EPB41L3: variants seen among roughly 807,000 people sequenced by gnomAD.
EPB41L3 encodes erythrocyte membrane protein band 4.1 like 3, also known as band 4.1-like protein 3.
EPB41L3 carries 57 observed loss-of-function variants against 127.1 expected under a neutral mutation model. The ratio of observed to expected loss-of-function variants is 0.45; its 90% CI spans 0.36 to 0.56. The LOEUF (loss-of-function observed/expected upper bound fraction) is 0.56. Among genes scored for constraint, EPB41L3 ranks in the 20% least tolerant of loss-of-function variants. The pLI, the probability that EPB41L3 is intolerant of heterozygous loss-of-function variation, is 0.00. For synonymous variants in EPB41L3, 572 were observed against 549.5 expected, an observed-to-expected ratio of 1.04 and a Z score of -0.57; for missense variants, 1,273 against 1,372.2, an observed-to-expected ratio of 0.93 and a Z score of 1.14.
chr18:5,587,559 C>T (rs2094451706), intron 3 of EPB41L3, among the ~76,000 whole-genome samples: 1 of 152,070 alleles, frequency 6.6e-6, no homozygotes. Context: ...ATGCATCCCC[C>T]AAGGATAATG....
intron 3 of EPB41L3, chr18:5,466,413 G>A (rs867961423): frequency 3.3e-5 from 5 of 152,184 alleles, no homozygotes; most frequent in Admixed American, 6.5e-5. Context: ...GCCAGTGTGC[G>A]TGTCAGTAGT....
At chr18:5,394,573 G>T in intron 22 of EPB41L3, 104 bp downstream of exon 22, 2 of 812,732 alleles carry the variant, frequency 2.5e-6, no homozygotes, top group Non-Finnish European at 2.0e-6. Context: ...ACAAATGCCA[G>T]TGAGAGAACA....
chr18:5,421,355 T>C (rs754652250), intron 11 of EPB41L3, among the ~76,000 whole-genome samples: 4 of 151,906 alleles, frequency 2.6e-5, no homozygotes, highest in South Asian at 2.1e-4. Context: ...TGATAACATA[T>C]AGAAATAGGT....
intron 19 of EPB41L3, 99 bp from the exon 20 acceptor site, chr18:5,395,806 C>CA: frequency 3.6e-6 from 3 of 840,006 alleles, no homozygotes; most frequent in Non-Finnish European, 5.9e-6. Context: ...TTCACTATCT[C>CA]CTATTATGCA....
rs1555802030 is a variant in EPB41L3 at position 5,560,341 on chromosome 18, T to TA, written c.-306+51998dup. Among the ~76,000 whole-genome samples the TA allele has an allele frequency of 3.6e-4, 55 of 152,336 alleles. No homozygotes were observed. The South Asian group carries it at 0.011, about 31-fold the overall frequency. ...GACACTAATCTAGATTCAGCAACTT[T>TA]AAGAGTGAAGAACTCTCATCCCTAC... On this transcript the variant is annotated intron_variant, in intron 3 of 21. Coordinates refer to the EPB41L3 transcript ENST00000545076.
intron 3 of EPB41L3, among the ~76,000 whole-genome samples, chr18:5,562,949 T>G (rs1199481411): frequency 4.6e-5 from 7 of 152,186 alleles, no homozygotes; most frequent in Admixed American, 4.6e-4. Context: ...GAGGGAGAAA[T>G]GGACATGTTT....
At chr18:5,524,060 C>T (rs903201865) in intron 1 of EPB41L3, among the ~76,000 whole-genome samples, 1 of 152,056 alleles carries the variant, frequency 6.6e-6, no homozygotes, top group Non-Finnish European at 1.5e-5. Context: ...ATTCTCACAA[C>T]AAACCTTTGA....
At chr18:5,547,839 A>G (rs1284083270), upstream of EPB41L3, among the ~76,000 whole-genome samples, 3 of 152,216 alleles carry the variant, frequency 2.0e-5, no homozygotes, top group Non-Finnish European at 4.4e-5. Context: ...CAAGACAAGG[A>G]CAGAATTTGC....
intron 1 of EPB41L3, among the ~76,000 whole-genome samples, chr18:5,617,492 G>A (rs568645205): frequency 3.9e-4 from 60 of 152,090 alleles, no homozygotes; most frequent in African/African-American, 1.4e-3. Context: ...CTAATTTTTT[G>A]TATTTTTAGT....
chr18:5,434,288 T>TGAA (rs2079421909), intron 6 of EPB41L3, among the ~76,000 whole-genome samples, 167 bp from the exon 7 acceptor site: 1 of 152,192 alleles, frequency 6.6e-6, no homozygotes, highest in Non-Finnish European at 1.5e-5. Flanking sequence ...ACATACTTGT[T>TGAA]CTAGATAGAA....
At chr18:5,463,119 T>C (rs1178466100) in intron 3 of EPB41L3, among the ~76,000 whole-genome samples, 1 of 152,212 alleles carries the variant, frequency 6.6e-6, no homozygotes, top group Non-Finnish European at 1.5e-5. Context: ...CTCTACCTCA[T>C]TGCCAATTGC....
At chr18:5,513,174 C>T (rs1257487533) in intron 1 of EPB41L3, among the ~76,000 whole-genome samples, 5 of 152,096 alleles carry the variant, frequency 3.3e-5, no homozygotes, top group Non-Finnish European at 7.3e-5. Context: ...TCCATTATTC[C>T]TATGAGTAAA....
At chr18:5,468,392 G>A (rs879572948) in intron 3 of EPB41L3, among the ~76,000 whole-genome samples, 2 of 152,210 alleles carry the variant, frequency 1.3e-5, no homozygotes, top group Non-Finnish European at 2.9e-5. Context: ...GGCCCCCTGA[G>A]TGATAACTTA....
chr18:5,482,573 C>G (rs1176247215), intron 2 of EPB41L3, among the ~76,000 whole-genome samples: 13 of 152,068 alleles, frequency 8.5e-5, no homozygotes, highest in Non-Finnish European at 1.2e-4. Context: ...TCTCAAAGCT[C>G]AAGAACAAAG....
In EPB41L3 at chr18:5,473,954, G is replaced by A. The variant is rs911617590; in HGVS notation, c.381+4287C>T. Among the ~76,000 whole-genome samples, 13 of 152,222 alleles carry A rather than the reference G, an allele frequency of 8.5e-5. 1 individual carries two copies. Among genetic ancestry groups the A allele is most frequent in the South Asian group, 2.1e-4 (1 of 4,816 alleles). ...AATTAGTGAGGAAAGTCTCTCAGCC[G>A]GGTGTGGTGGCTCACACCTGTAATC... is the stretch of plus-strand genomic sequence containing the variant. On this transcript the variant is annotated intron_variant, in intron 3 of 22. Coordinates refer to ENST00000341928, the MANE Select transcript of EPB41L3 (RefSeq NM_012307.5).
At chr18:5,478,101 G>T in intron 3 of EPB41L3, 140 bp downstream of exon 3, 1 of 657,760 alleles carries the variant, frequency 1.5e-6, no homozygotes, top group Non-Finnish European at 2.5e-6. Flanking sequence ...ACAGACTAGG[G>T]AAATAATTTT....
At chr18:5,629,604 C>G (rs369138658), upstream of EPB41L3, among the ~76,000 whole-genome samples, 2 of 152,136 alleles carry the variant, frequency 1.3e-5, no homozygotes, top group African/African-American at 4.8e-5. Context: ...GCCCCCCCCT[C>G]CCCCGCGTTT....
At chr18:5,623,652 A>T (rs944060690) in intron 1 of EPB41L3, among the ~76,000 whole-genome samples, 3 of 112,652 alleles carry the variant, frequency 2.7e-5, no homozygotes, top group Non-Finnish European at 3.5e-5. Context: ...TTATCTTTTC[A>T]TTCTTTTTTT....
At chr18:5,565,974 A>G (rs752414297) in intron 3 of EPB41L3, among the ~76,000 whole-genome samples, 1 of 152,228 alleles carries the variant, frequency 6.6e-6, no homozygotes, top group African/African-American at 2.4e-5. Flanking sequence ...TCAAAATAAT[A>G]AGAGCTATCT....
Sources: allele counts gnomAD v4.1 joint callset (sites outside exome capture counted in the v4.1 genomes callset), GRCh38; gene constraint gnomAD v4.1.1; transcripts MANE v1.5; gene names NCBI Gene and HGNC (gene_info 2026-07-23, HGNC 2026-07-21).